The following NSRP1 variants were observed in gnomAD, a reference collection of about 807,000 sequenced individuals.
NSRP1 encodes coiled-coil domain containing 55.
A neutral mutation model predicts 54.7 loss-of-function variants in NSRP1; 24 were observed. The ratio of observed to expected loss-of-function variants is 0.44; its 90% CI spans 0.32 to 0.62. The LOEUF (loss-of-function observed/expected upper bound fraction) is 0.62. NSRP1 is among the 20% of genes least tolerant of loss of function. The pLI is 0.06. For missense variants in NSRP1, 596 were observed against 651.2 expected (o/e 0.92, Z 0.92); for synonymous variants, 210 against 213.8 (o/e 0.98, Z 0.15).
intron 6 of NSRP1, among the ~76,000 whole-genome samples, chr17:30,183,720 G>A (rs571827330): frequency 9.9e-5 from 15 of 152,130 alleles, no homozygotes; most frequent in Admixed American, 9.8e-4. Flanking sequence ...AACAATGAAG[G>A]TAATATAATT....
chr17:30,151,774 CTTTTTTTTTTTTTTTTT>C (rs780507533), intron 2 of NSRP1, among the ~76,000 whole-genome samples: 4 of 48,920 alleles, frequency 8.2e-5, no homozygotes, highest in African/African-American at 1.7e-4. Flanking sequence ...TTGTCACTTT[CTTTTTTTTTTTTTTTTT>C]TTTTTTTTGA....
chr17:30,158,894 G>A, intron 2 of NSRP1, among the ~76,000 whole-genome samples: 1 of 152,148 alleles, frequency 6.6e-6, no homozygotes, highest in Non-Finnish European at 1.5e-5. Context: ...AAGTCAGGTA[G>A]TGTGATGCCT....
chr17:30,120,814 G>C (rs759988497), intron 2 of NSRP1, among the ~76,000 whole-genome samples: 3 of 152,162 alleles, frequency 2.0e-5, no homozygotes, highest in Non-Finnish European at 2.9e-5. Context: ...TTTGAACACA[G>C]GCCTATCTGA....
At chr17:30,136,545 C>T (rs2071752661) in intron 2 of NSRP1, among the ~76,000 whole-genome samples, 1 of 152,092 alleles carries the variant, frequency 6.6e-6, no homozygotes, top group African/African-American at 2.4e-5. Context: ...TTGATGCTTT[C>T]TTGGTGTTAC....
intron 2 of NSRP1, among the ~76,000 whole-genome samples, chr17:30,138,391 T>C (rs545966357): frequency 6.6e-6 from 1 of 152,166 alleles, no homozygotes; most frequent in African/African-American, 2.4e-5. Context: ...CCCACAGATA[T>C]GAAAATCTGT....
chr17:30,163,191 G>GTGTA (rs1404703133), intron 2 of NSRP1: 7 of 8,064 alleles, frequency 8.7e-4, no homozygotes, highest in African/African-American at 2.6e-3. Flanking sequence ...GGCTAATTTT[G>GTGTA]TGTGTGTGTG....
chr17:30,163,623 A>C (rs1904616733), intron 2 of NSRP1, among the ~76,000 whole-genome samples: 1 of 151,644 alleles, frequency 6.6e-6, no homozygotes, highest in African/African-American at 2.4e-5. Context: ...AAACTAAGAA[A>C]TCTAGTTGCA....
chr17:30,158,943 A>G (rs1351736919), intron 2 of NSRP1, among the ~76,000 whole-genome samples: 3 of 152,064 alleles, frequency 2.0e-5, no homozygotes. Flanking sequence ...TTGGTTATTC[A>G]GGCTCTTTGT....
At chr17:30,174,174 A>C (rs1041794258) in intron 3 of NSRP1, among the ~76,000 whole-genome samples, 5 of 152,104 alleles carry the variant, frequency 3.3e-5, no homozygotes, top group African/African-American at 1.2e-4. Flanking sequence ...TTCTTCACTT[A>C]AAGCATGAAT....
rs1320653389 is a variant in NSRP1 at position 30,168,590 on chromosome 17, ATAG to A, written c.115-3949_115-3947del. The stretch of plus-strand genomic sequence containing the variant: ...AACTTAAAGTATAATAATAATAATA[ATAG>A]TAATAATAATAATAATAAATAAAAT... On this transcript the variant is annotated intron_variant, in intron 2 of 6. Transcript: ENST00000247026. 8.5e-3 allele frequency among the ~76,000 whole-genome samples: 1,261 copies of A among 147,712 alleles called. 19 individuals are homozygous for A. Among genetic ancestry groups the A allele is most frequent in the African/African-American group, 0.03 (1,204 of 40,182 alleles).
intron 1 of NSRP1, chr17:30,117,616 A>G: frequency 2.9e-6 from 1 of 350,602 alleles, no homozygotes; most frequent in East Asian, 4.4e-5. Context: ...CGTGAGTTAC[A>G]CTATCCAGTC....
chr17:30,135,797 G>A (rs998332617), intron 2 of NSRP1, among the ~76,000 whole-genome samples: 1 of 152,126 alleles, frequency 6.6e-6, no homozygotes, highest in Non-Finnish European at 1.5e-5. Flanking sequence ...TGAGGACCGG[G>A]GTGGTAGATA....
chr17:30,139,643 A>G (rs2071784784), intron 2 of NSRP1, among the ~76,000 whole-genome samples: 1 of 151,980 alleles, frequency 6.6e-6, no homozygotes, highest in Non-Finnish European at 1.5e-5. Context: ...TTTCCTCTAA[A>G]ACAATGGCTC....
At chr17:30,155,592 T>C (rs2071954420) in intron 2 of NSRP1, among the ~76,000 whole-genome samples, 1 of 152,154 alleles carries the variant, frequency 6.6e-6, no homozygotes, top group Non-Finnish European at 1.5e-5. Flanking sequence ...CAGGCTGAAA[T>C]GCAGTGGCAT....
chr17:30,161,213 T>C (rs1904503033), intron 2 of NSRP1, among the ~76,000 whole-genome samples: 1 of 152,250 alleles, frequency 6.6e-6, no homozygotes, highest in African/African-American at 2.4e-5. Context: ...TCTTTATGTG[T>C]ACATAGGCTT....
intron 2 of NSRP1, among the ~76,000 whole-genome samples, chr17:30,157,700 T>TAA (rs1453615504): frequency 3.9e-5 from 6 of 152,190 alleles, no homozygotes; most frequent in Admixed American, 2.0e-4. Context: ...TATCTATTGT[T>TAA]CTATACTCTA....
intron 2 of NSRP1, among the ~76,000 whole-genome samples, chr17:30,152,185 C>T (rs966378508): frequency 6.6e-6 from 1 of 151,896 alleles, no homozygotes; most frequent in Admixed American, 6.6e-5. Flanking sequence ...TGCAGTGGCG[C>T]GATCTCGGCT....
At chr17:30,170,064 C>CT (rs1904873095) in intron 2 of NSRP1, among the ~76,000 whole-genome samples, 2 of 151,940 alleles carry the variant, frequency 1.3e-5, no homozygotes, top group Admixed American at 1.3e-4. Flanking sequence ...CCATGTAGCC[C>CT]TTGCCCCCAC....
At chr17:30,149,988 G>C (rs2071891071) in intron 2 of NSRP1, 1 of 152,160 alleles carries the variant, frequency 6.6e-6, no homozygotes, top group African/African-American at 2.4e-5. Context: ...TCTGCCCTTG[G>C]CAATCACTAA....
Sources: allele counts gnomAD v4.1 joint callset (sites outside exome capture counted in the v4.1 genomes callset), GRCh38; gene constraint gnomAD v4.1.1; transcripts MANE v1.5; gene names NCBI Gene and HGNC (gene_info 2026-07-23, HGNC 2026-07-21).